The following L3MBTL4 variants were observed in gnomAD, a reference collection of about 807,000 sequenced individuals.
The protein encoded by L3MBTL4 is L3MBTL histone methyl-lysine binding protein 4, also known as lethal(3)malignant brain tumor-like protein 4.
In L3MBTL4, 70 loss-of-function variants were observed where a neutral mutation model predicts 84.5. That is an observed-to-expected ratio of 0.83 (90% CI 0.68 to 1.01). The LOEUF is 1.01. Ranked by LOEUF, L3MBTL4 falls within the 50% of genes least tolerant of loss-of-function variation. The probability of loss-of-function intolerance (pLI) is 0.00; values close to 1 mark genes in which losing one functional copy is unlikely to be tolerated. For synonymous variants in L3MBTL4, 274 were observed against 259.8 expected, an observed-to-expected ratio of 1.05 and a Z score of -0.52; for missense variants, 715 against 754.8, an observed-to-expected ratio of 0.95 and a Z score of 0.62.
At chr18:6,165,665 G>C (rs997471872) in intron 13 of L3MBTL4, among the ~76,000 whole-genome samples, 1 of 152,072 alleles carries the variant, frequency 6.6e-6, no homozygotes, top group African/African-American at 2.4e-5. Flanking sequence ...TGCCCTAAAA[G>C]AGCTCCTGAA....
At chr18:6,270,759 C>T (rs1234567689) in intron 4 of L3MBTL4, among the ~76,000 whole-genome samples, 1 of 152,204 alleles carries the variant, frequency 6.6e-6, no homozygotes. Context: ...GTAGGCTGCA[C>T]TGCAGGGGCT....
chr18:5,955,182 G>A lies in L3MBTL4; in HGVS notation c.*1038C>T, dbSNP rs1940622. The stretch of plus-strand genomic sequence containing the variant: ...CTGATTCCACACAACTTAAGCCTCC[G>A]ATACAATCACTTACAAAAAACAAAT... On this transcript the variant is annotated 3_prime_UTR_variant, in exon 19 of 19. Coordinates refer to ENST00000317931, the MANE Select transcript of L3MBTL4 (RefSeq NM_001330559.2). The A allele has an allele frequency of 0.37, 56,267 of 152,034 alleles. 10,695 individuals carry two copies. The highest frequency in any genetic ancestry group is 0.49 in the East Asian group (2,523 of 5,162). The allele number at this position is 152,034 out of a possible 1,614,324, so 9.4% of individuals were successfully genotyped here.
At chr18:6,236,498 A>T (rs538624302) in intron 10 of L3MBTL4, among the ~76,000 whole-genome samples, 1 of 152,314 alleles carries the variant, frequency 6.6e-6, no homozygotes, top group African/African-American at 2.4e-5. Flanking sequence ...CCTATTCATG[A>T]AGTGTAGTGA....
chr18:6,138,979 C>A (rs1028223422), intron 13 of L3MBTL4, among the ~76,000 whole-genome samples: 5 of 152,156 alleles, frequency 3.3e-5, no homozygotes, highest in African/African-American at 1.2e-4. Flanking sequence ...TCAACCACAG[C>A]AAGGATCTTA....
chr18:6,137,227 G>A (rs1378749104), intron 14 of L3MBTL4, among the ~76,000 whole-genome samples: 7 of 152,114 alleles, frequency 4.6e-5, no homozygotes, highest in Non-Finnish European at 7.3e-5. Flanking sequence ...TTCACAAGTC[G>A]CCAAGCAGTC....
intron 12 of L3MBTL4, among the ~76,000 whole-genome samples, chr18:6,212,321 G>T (rs928423853): frequency 1.3e-5 from 2 of 152,116 alleles, no homozygotes; most frequent in Non-Finnish European, 2.9e-5. Flanking sequence ...TCAAATTAGG[G>T]ATACGGCAAA....
chr18:6,361,122 AG>A (rs2053675546), intron 1 of L3MBTL4, among the ~76,000 whole-genome samples: 2 of 152,158 alleles, frequency 1.3e-5, no homozygotes, highest in Admixed American at 1.3e-4. Flanking sequence ...CAATAGTAAC[AG>A]GCCTTATTGA....
At chr18:6,018,324 A>T (rs1188715140) in intron 16 of L3MBTL4, among the ~76,000 whole-genome samples, 1 of 152,192 alleles carries the variant, frequency 6.6e-6, no homozygotes, top group Non-Finnish European at 1.5e-5. Context: ...CGTTTCCAGA[A>T]CTGGTCTCAG....
At chr18:6,084,950 GGA>G (rs766262362) in intron 15 of L3MBTL4, among the ~76,000 whole-genome samples, 2 of 152,246 alleles carry the variant, frequency 1.3e-5, no homozygotes, top group East Asian at 3.9e-4. Flanking sequence ...GGTAAGACGT[GGA>G]GCTAGGACAA....
At chr18:6,313,615 T>C (rs1308235024) in intron 1 of L3MBTL4, among the ~76,000 whole-genome samples, 1 of 152,192 alleles carries the variant, frequency 6.6e-6, no homozygotes, top group African/African-American at 2.4e-5. Context: ...TGTAGCGAAG[T>C]ATTATTGCAC....
chr18:6,182,211 C>T (rs887766205), intron 12 of L3MBTL4, among the ~76,000 whole-genome samples: 1 of 152,060 alleles, frequency 6.6e-6, no homozygotes, highest in East Asian at 1.9e-4. Flanking sequence ...GTGAGATGGT[C>T]TCTCACTGTG....
intron 14 of L3MBTL4, among the ~76,000 whole-genome samples, chr18:6,104,017 A>G (rs2058918186): frequency 6.6e-6 from 1 of 152,196 alleles, no homozygotes; most frequent in Non-Finnish European, 1.5e-5. Flanking sequence ...GCACTGCAAA[A>G]GCATGCATTT....
chr18:6,217,652 C>T (rs2046382109), intron 10 of L3MBTL4, among the ~76,000 whole-genome samples: 1 of 152,160 alleles, frequency 6.6e-6, no homozygotes, highest in Non-Finnish European at 1.5e-5. Context: ...AGGAGTAACA[C>T]TGCTAGATCA....
chr18:6,194,599 A>G (rs2145567749), intron 12 of L3MBTL4, among the ~76,000 whole-genome samples: 1 of 152,352 alleles, frequency 6.6e-6, no homozygotes, highest in South Asian at 2.1e-4. Context: ...GAAGCAGAAC[A>G]TCGAACAGAA....
chr18:6,176,854 G>GA (rs1007111784), intron 12 of L3MBTL4, among the ~76,000 whole-genome samples: 1 of 151,720 alleles, frequency 6.6e-6, no homozygotes, highest in African/African-American at 2.4e-5. Context: ...GAACATTTTG[G>GA]AAAAAAAATT....
intron 10 of L3MBTL4, among the ~76,000 whole-genome samples, chr18:6,234,124 T>C (rs1410275379): frequency 6.6e-6 from 1 of 152,172 alleles, no homozygotes; most frequent in African/African-American, 2.4e-5. Flanking sequence ...TGTAGAAAGC[T>C]GAAACTGGAT....
chr18:6,040,287 T>C (rs2056342036), intron 16 of L3MBTL4, among the ~76,000 whole-genome samples: 1 of 152,218 alleles, frequency 6.6e-6, no homozygotes, highest in African/African-American at 2.4e-5. Flanking sequence ...GTCCCCTTCA[T>C]CCTGGAGATA....
chr18:6,397,520 G>A (rs956534993), intron 1 of L3MBTL4: 4 of 152,116 alleles, frequency 2.6e-5, no homozygotes, highest in African/African-American at 7.2e-5. Flanking sequence ...ACTGTTCACA[G>A]TGTGGTATCG....
intron 1 of L3MBTL4, among the ~76,000 whole-genome samples, chr18:6,341,140 A>T (rs968739195): frequency 4.6e-5 from 7 of 152,104 alleles, no homozygotes; most frequent in Non-Finnish European, 1.0e-4. Flanking sequence ...TTCTCTCTTG[A>T]AGCCAGTCAG....
Sources: allele counts gnomAD v4.1 joint callset (sites outside exome capture counted in the v4.1 genomes callset), GRCh38; gene constraint gnomAD v4.1.1; transcripts MANE v1.5; gene names NCBI Gene and HGNC (gene_info 2026-07-23, HGNC 2026-07-21).